The following MORN1 variants were observed in gnomAD, a reference collection of about 807,000 sequenced individuals.
The protein encoded by MORN1 is MORN repeat containing 1.
A neutral mutation model predicts 61.9 loss-of-function variants in MORN1; 67 were observed. The ratio of observed to expected loss-of-function variants is 1.08; its 90% CI spans 0.89 to 1.33. MORN1 has a LOEUF of 1.33. Among genes scored for constraint, MORN1 ranks in the 40% most tolerant of loss-of-function variants. The probability of loss-of-function intolerance (pLI) is 0.00; values close to 1 mark genes in which losing one functional copy is unlikely to be tolerated. For missense variants in MORN1, 752 were observed against 691.2 expected, an observed-to-expected ratio of 1.09 and a Z score of -0.99; for synonymous variants, 301 against 292.0, an observed-to-expected ratio of 1.03 and a Z score of -0.31.
intron 10 of MORN1, among the ~76,000 whole-genome samples, chr1:2,353,488 G>A (rs1201430043): frequency 6.6e-6 from 1 of 152,254 alleles, no homozygotes; most frequent in East Asian, 1.9e-4. Context: ...ACCTCGGGGT[G>A]ATGCTGGTGG....
chr1:2,323,787 C>A (rs1157990272), intron 13 of MORN1: 1 of 985,334 alleles, frequency 1.0e-6, no homozygotes, highest in South Asian at 4.7e-5. Flanking sequence ...TCCCCTTGGA[C>A]CCCAAGGCCT....
intron 12 of MORN1, among the ~76,000 whole-genome samples, chr1:2,330,463 G>A (rs1641125260): frequency 6.6e-6 from 1 of 152,156 alleles, no homozygotes; most frequent in Non-Finnish European, 1.5e-5. Context: ...TGTCCCCACC[G>A]GTGGCCTTTC....
intron 2 of MORN1, among the ~76,000 whole-genome samples, chr1:2,389,113 C>CAAAAAA (rs549291051): frequency 8.8e-6 from 1 of 113,006 alleles, no homozygotes; most frequent in Non-Finnish European, 1.8e-5. Flanking sequence ...ACTCTGTCTC[C>CAAAAAA]AAAAAAAAAA....
chr1:2,372,399 C>A lies in MORN1; in HGVS notation c.745+82G>T. The stretch of plus-strand genomic sequence containing the variant: ...GCCTCAGGAGCCACATGCAACATCT[C>A]GTCCGCATCTTCACTGCTTAAGAAC... On this transcript the variant is annotated intron_variant, in intron 8 of 13. Transcript: ENST00000378531. This position sits in a 1 kb window ranked among gnomAD's most constrained non-coding sequence, Gnocchi z 5.4. The A allele has an allele frequency of 9.3e-7, 1 of 1,071,856 alleles. No homozygotes were observed. The highest frequency in any genetic ancestry group is 1.5e-5 in the South Asian group (1 of 67,388). 66.4% of individuals were successfully genotyped at this position (1,071,856 alleles called of 1,614,324 possible).
At chr1:2,340,535 C>T (rs535592278) in intron 10 of MORN1, among the ~76,000 whole-genome samples, 1 of 152,356 alleles carries the variant, frequency 6.6e-6, no homozygotes, top group Admixed American at 6.5e-5. Context: ...GGGGTCTGGG[C>T]CATCATCTGT....
chr1:2,347,813 T>C (rs1297275291), intron 10 of MORN1, among the ~76,000 whole-genome samples: 1 of 152,174 alleles, frequency 6.6e-6, no homozygotes, highest in Non-Finnish European at 1.5e-5. Context: ...TGCACAGGTA[T>C]TTTACATTTT....
chr1:2,325,121 C>CCTT (rs1379618602), intron 12 of MORN1, among the ~76,000 whole-genome samples: 3 of 86,732 alleles, frequency 3.5e-5, no homozygotes, highest in South Asian at 4.2e-4. Context: ...TCCCTTCCTT[C>CCTT]CCTTCCTTCC....
In MORN1 at chr1:2,342,867, A is replaced by ATTTTAT. The variant is rs370414567; in HGVS notation, c.1037-6018_1037-6017insATAAAA. Among the ~76,000 whole-genome samples the ATTTTAT allele has an allele frequency of 1.0e-3, 106 of 101,112 alleles. 2 individuals carry two copies. Among genetic ancestry groups the ATTTTAT allele is most frequent in the Admixed American group, 1.9e-3 (19 of 10,060 alleles). 66.3% of individuals were successfully genotyped at this position (101,112 alleles called of 152,430 possible). A position where few individuals can be genotyped will look rare whatever the true frequency, so the allele number is the denominator to read the frequency against. ...ATTTTATTTTATTTTATTTTATTTT[A>ATTTTAT]TTTATTTTATTTTATTTTATTTTAT... On this transcript the variant is annotated intron_variant, in intron 10 of 13. Coordinates refer to ENST00000378531, the MANE Select transcript of MORN1 (RefSeq NM_024848.3).
rs537533479 is a variant in MORN1 at position 2,388,153 on chromosome 1, C to T, written c.247+86G>A. Reference sequence around the variant, plus strand: ...CACAAAGCTTCCCGTCTACACGTCACGCCTTCTGCATCTAGACTCGGCGGA... The same window carrying T: ...CACAAAGCTTCCCGTCTACACGTCATGCCTTCTGCATCTAGACTCGGCGGA... On this transcript the variant is annotated intron_variant, in intron 3 of 13. Coordinates refer to ENST00000378531, the MANE Select transcript of MORN1 (RefSeq NM_024848.3). 22 of 1,046,012 alleles carry T rather than the reference C, an allele frequency of 2.1e-5. 1 individual carries two copies. The Middle Eastern group carries it at 8.0e-4, about 38-fold the overall frequency. The allele number at this position is 1,046,012 out of a possible 1,614,324, so 64.8% of individuals were successfully genotyped here.
intron 12 of MORN1, among the ~76,000 whole-genome samples, chr1:2,324,593 C>T (rs1157198006): frequency 3.3e-5 from 5 of 152,138 alleles, no homozygotes; most frequent in Non-Finnish European, 5.9e-5. Context: ...GGAGGCCCGG[C>T]GGTGGTATGG....
At chr1:2,339,420 C>T (rs1004473757) in intron 10 of MORN1, among the ~76,000 whole-genome samples, 2 of 152,214 alleles carry the variant, frequency 1.3e-5, no homozygotes, top group African/African-American at 2.4e-5. Flanking sequence ...CTGACCGCAG[C>T]GGCCCCTGGG....
intron 10 of MORN1, among the ~76,000 whole-genome samples, chr1:2,348,991 T>C (rs756244562): frequency 9.9e-5 from 15 of 152,250 alleles, no homozygotes; most frequent in Non-Finnish European, 2.1e-4. Flanking sequence ...CCCACTTCTT[T>C]GTGTCCACAG....
chr1:2,321,597 G>C lies in MORN1; in HGVS notation c.1298-18C>G, dbSNP rs1377557945. On this transcript the variant is annotated intron_variant, in intron 13 of 13. Transcript: ENST00000378531. ...GTACTCCCCTGCAAGGGGCGGGTGG[G>C]CTGGTCCTCAGCAGGCTCCTGTCCC... The C allele has an allele frequency of 3.4e-6, 5 of 1,464,538 alleles. No individual in the cohort carries two copies. The highest frequency in any genetic ancestry group is 5.0e-5 in the Admixed American group (2 of 39,942). The allele number at this position is 1,464,538 out of a possible 1,614,324, so 90.7% of individuals were successfully genotyped here. A position where few individuals can be genotyped will look rare whatever the true frequency, so the allele number is the denominator to read the frequency against.
At chr1:2,341,705 A>AAG (rs1557873241) in intron 10 of MORN1, among the ~76,000 whole-genome samples, 2 of 150,592 alleles carry the variant, frequency 1.3e-5, no homozygotes, top group Non-Finnish European at 3.0e-5. Context: ...AAAAAAAAAA[A>AAG]AAAAAGAAAA....
At chr1:2,341,494 C>A (rs1641393867) in intron 10 of MORN1, among the ~76,000 whole-genome samples, 2 of 152,136 alleles carry the variant, frequency 1.3e-5, no homozygotes, top group African/African-American at 4.8e-5. Context: ...AGATTGAGAT[C>A]ATCCTGGCCA....
intron 10 of MORN1, chr1:2,351,924 C>T (rs1220245704): frequency 7.7e-6 from 4 of 517,592 alleles, no homozygotes; most frequent in African/African-American, 2.0e-5. Flanking sequence ...TGGTATGAGG[C>T]CACCCACGGG....
rs778676039 is a variant in MORN1, at chr1:2,368,098, C to G, written c.745+4383G>C. Among the ~76,000 whole-genome samples the G allele has an allele frequency of 6.9e-4, 105 of 152,342 alleles. 1 individual carries two copies. Among genetic ancestry groups the G allele is most frequent in the Non-Finnish European group, 1.3e-4 (9 of 68,032 alleles). On this transcript the variant is annotated intron_variant, in intron 8 of 13. Transcript: ENST00000378531. ...TCAAAGGACACCAGCAAGAAACTGT[C>G]TGACTGCCCACAAAATGGAAAAATG... is the stretch of plus-strand genomic sequence containing the variant.
chr1:2,389,370 G>A (rs908145663), intron 2 of MORN1, among the ~76,000 whole-genome samples: 4 of 152,236 alleles, frequency 2.6e-5, no homozygotes, highest in Non-Finnish European at 5.9e-5. Context: ...CTGTGTTCAA[G>A]GGATTCTCCT....
At chr1:2,390,640 T>C in intron 1 of MORN1, 2 of 985,400 alleles carry the variant, frequency 2.0e-6, no homozygotes, top group African/African-American at 3.5e-5. Flanking sequence ...TACAGGCTAC[T>C]GTATCTGTCC....
Sources: allele counts gnomAD v4.1 joint callset (sites outside exome capture counted in the v4.1 genomes callset), GRCh38; gene constraint gnomAD v4.1.1; non-coding constraint Gnocchi (gnomAD v3.1); transcripts MANE v1.5; gene names NCBI Gene and HGNC (gene_info 2026-07-23, HGNC 2026-07-21).